TET3: variants seen among roughly 807,000 people sequenced by gnomAD.
The protein encoded by TET3 is methylcytosine dioxygenase TET3.
A neutral mutation model predicts 141.4 loss-of-function variants in TET3; 19 were observed. The ratio of observed to expected loss-of-function variants is 0.13; its 90% CI spans 0.09 to 0.20. The LOEUF is 0.20. Among genes scored for constraint, TET3 ranks in the 10% least tolerant of loss-of-function variants. The pLI is 1.00. For missense variants in TET3, 1,874 were observed against 2,356.9 expected (o/e 0.80, Z 4.24); for synonymous variants, 1,043 against 980.9 (o/e 1.06, Z -1.18).
At chr2:74,114,265 A>G in the TET3 span, among the ~76,000 whole-genome samples, 2 of 150,646 alleles carry the variant, frequency 1.3e-5, no homozygotes, top group East Asian at 4.0e-4. Context: ...ATGAGGACAG[A>G]AAGGCATAAA....
At chr2:74,096,425 T>C (rs1690830656) in intron 10 of TET3, among the ~76,000 whole-genome samples, 1 of 152,172 alleles carries the variant, frequency 6.6e-6, no homozygotes, top group South Asian at 2.1e-4. Flanking sequence ...ATAATAACAA[T>C]TGAAAGGCCA....
intron 2 of TET3, among the ~76,000 whole-genome samples, chr2:74,001,852 C>G (rs1684863372): frequency 6.6e-6 from 1 of 152,122 alleles, no homozygotes; most frequent in South Asian, 2.1e-4. Flanking sequence ...GCCCTGAGGT[C>G]TGGGGACCCT....
chr2:74,003,815 G>C (rs1290246268), intron 3 of TET3, among the ~76,000 whole-genome samples: 3 of 150,076 alleles, frequency 2.0e-5, no homozygotes, highest in African/African-American at 7.4e-5. Context: ...GTGGGAAGCA[G>C]AGAAGGGGGC....
At chr2:74,085,220 C>T (rs911727649) in intron 6 of TET3, among the ~76,000 whole-genome samples, 1 of 152,002 alleles carries the variant, frequency 6.6e-6, no homozygotes, top group African/African-American at 2.4e-5. Context: ...TCTGGATTTC[C>T]GTTTTTTTCT....
intron 4 of TET3, among the ~76,000 whole-genome samples, chr2:74,062,953 G>A (rs1193359544): frequency 1.4e-5 from 2 of 143,128 alleles, no homozygotes; most frequent in South Asian, 2.2e-4. Context: ...GCGCGATCTC[G>A]TCTCATTGCA....
At chr2:74,013,832 A>G (rs1685595038) in intron 3 of TET3, among the ~76,000 whole-genome samples, 1 of 152,034 alleles carries the variant, frequency 6.6e-6, no homozygotes, top group Admixed American at 6.5e-5. Context: ...AGTAATAATA[A>G]TTCCATTCTT....
chr2:73,992,328 G>A (rs1471855426), intron 2 of TET3, among the ~76,000 whole-genome samples: 1 of 93,740 alleles, frequency 1.1e-5, no homozygotes, highest in Non-Finnish European at 2.0e-5. Context: ...GTTTTGTTTT[G>A]TTTGAGATGG....
chr2:74,010,153 C>T (rs1685351699), intron 3 of TET3, among the ~76,000 whole-genome samples: 1 of 152,180 alleles, frequency 6.6e-6, no homozygotes. Context: ...GTGGTTGGAG[C>T]GGCGTGTGTC....
rs745953793 is a variant in TET3 at position 74,101,050 on chromosome 2, C to G, written c.4262C>G (p.Pro1421Arg). The G allele has an allele frequency of 3.3e-5, 53 of 1,612,970 alleles. No individual in the cohort carries two copies. Among genetic ancestry groups the G allele is most frequent in the East Asian group, 2.2e-5 (1 of 44,886 alleles). The stretch of plus-strand genomic sequence containing the variant: ...GACGCTGGCAAGATGGGCAAGACAC[C>G]TCTGTCCGAGGTGTCTCAGAATGGA... Reference protein sequence around the residue: ...PRDAGKMGKTPLSEVSQNGGP... With the variant: ...PRDAGKMGKTRLSEVSQNGGP... Residue 1421 changes from proline (P) to arginine (R), a missense_variant, in exon 12 of 12, where the codon CCT (proline) becomes CGT (arginine). Transcript: ENST00000409262. This position sits in a 1 kb window ranked among gnomAD's most constrained non-coding sequence, Gnocchi z 8.5.
the TET3 span, among the ~76,000 whole-genome samples, chr2:74,134,280 G>C: frequency 4.6e-5 from 7 of 152,172 alleles, no homozygotes; most frequent in Non-Finnish European, 1.0e-4. Context: ...ACAGTTCTCT[G>C]TTTTGTCCCA....
the TET3 span, among the ~76,000 whole-genome samples, chr2:74,129,417 G>A: frequency 6.7e-6 from 1 of 149,638 alleles, no homozygotes; most frequent in Non-Finnish European, 1.5e-5. Flanking sequence ...CAGATCACCT[G>A]AGGTCAGGCG....
At chr2:74,131,525 C>T in the TET3 span, among the ~76,000 whole-genome samples, 3 of 152,144 alleles carry the variant, frequency 2.0e-5, no homozygotes, top group Non-Finnish European at 4.4e-5. Flanking sequence ...CCACCCTGTC[C>T]CCTACACTGC....
Position 74,063,786 on chromosome 2 carries a change from G to A in TET3, c.2495-9763G>A, listed in dbSNP as rs1474284387. ...TTTAAGAGGGCAGATCTGGCCTGGT[G>A]CAATACCTCTGCCTGCAATCCCAGC... On this transcript the variant is annotated intron_variant, in intron 4 of 11. Transcript: ENST00000409262. 2.6e-5 allele frequency among the ~76,000 whole-genome samples: 4 copies of A among 151,272 alleles called. No individual in the cohort carries two copies. The East Asian group carries it at 7.8e-4, about 29-fold the overall frequency.
rs566561274 is a variant in TET3, at chr2:74,085,290, C to T, written c.2680-2540C>T. On this transcript the variant is annotated intron_variant, in intron 6 of 11. Coordinates refer to ENST00000409262, the MANE Select transcript of TET3 (RefSeq NM_001287491.2). ...ATTTCCCCCAGGCGGTAGTTGATGG[C>T]AATAAGGCCTGGCCTCCCCCTGTTG... Among the ~76,000 whole-genome samples the T allele has an allele frequency of 3.9e-5, 6 of 152,248 alleles. 1 individual carries two copies. The highest frequency in any genetic ancestry group is 1.4e-4 in the African/African-American group (6 of 41,538).
At chr2:74,092,809 C>T in intron 8 of TET3, 93 bp from the exon 9 acceptor site, 1 of 1,107,800 alleles carries the variant, frequency 9.0e-7, no homozygotes, top group Non-Finnish European at 1.3e-6. Context: ...CCCAGCCTCC[C>T]CCACGATGCT....
intron 3 of TET3, among the ~76,000 whole-genome samples, chr2:74,011,428 C>T (rs1230559828): frequency 2.0e-5 from 3 of 152,214 alleles, no homozygotes; most frequent in Non-Finnish European, 2.9e-5. Context: ...GGCCATAGTA[C>T]AGTAGTACGT....
chr2:74,040,419 C>T (rs1449927644), intron 3 of TET3, among the ~76,000 whole-genome samples: 4 of 152,114 alleles, frequency 2.6e-5, no homozygotes, highest in African/African-American at 7.2e-5. Flanking sequence ...TTGTTTGGAT[C>T]CAATGACTGC....
intron 4 of TET3, among the ~76,000 whole-genome samples, chr2:74,051,278 A>C (rs765022154): frequency 1.3e-5 from 2 of 152,236 alleles, no homozygotes; most frequent in Non-Finnish European, 2.9e-5. Context: ...ATCTGTCAGC[A>C]TCAGAGAAAC....
chr2:74,115,218 C>T, the TET3 span, among the ~76,000 whole-genome samples: 3 of 152,146 alleles, frequency 2.0e-5, no homozygotes, highest in South Asian at 2.1e-4. Flanking sequence ...CAATAGGGAA[C>T]GAATATCCAG....
Sources: allele counts gnomAD v4.1 joint callset (sites outside exome capture counted in the v4.1 genomes callset), GRCh38; gene constraint gnomAD v4.1.1; non-coding constraint Gnocchi (gnomAD v3.1); transcripts MANE v1.5; gene names NCBI Gene and HGNC (gene_info 2026-07-23, HGNC 2026-07-21).